Variants in KCNIP1 observed in about 807,000 individuals in gnomAD.
KCNIP1 encodes the protein potassium voltage-gated channel interacting protein 1.
A neutral mutation model predicts 33.0 loss-of-function variants in KCNIP1; 18 were observed. That is an observed-to-expected ratio of 0.55 (90% CI 0.38 to 0.81). The LOEUF is 0.81. Among genes scored for constraint, KCNIP1 ranks in the 30% least tolerant of loss-of-function variants. The pLI is 0.00. For missense variants in KCNIP1, 238 were observed against 271.6 expected (o/e 0.88, Z 0.87); for synonymous variants, 93 against 98.3 (o/e 0.95, Z 0.32).
Position 170,702,643 on chromosome 5 carries a change from A to G in KCNIP1, c.62-16115A>G, listed in dbSNP as rs1457200089. Among the ~76,000 whole-genome samples the G allele has an allele frequency of 7.2e-5, 11 of 152,288 alleles. 1 individual carries two copies. The South Asian group carries it at 1.9e-3, about 26-fold the overall frequency. On this transcript the variant is annotated intron_variant, in intron 1 of 7. Coordinates refer to ENST00000328939, the MANE Select transcript of KCNIP1 (RefSeq NM_014592.4). Reference sequence around the variant, plus strand: ...GTCCCTGACTTGTTATAGAGACACAATTACAAAGACACAAGAGTGGGCCCA... The same window carrying G: ...GTCCCTGACTTGTTATAGAGACACAGTTACAAAGACACAAGAGTGGGCCCA...
intron 7 of KCNIP1, among the ~76,000 whole-genome samples, chr5:170,734,863 G>A (rs375999818): frequency 6.6e-6 from 1 of 152,174 alleles, no homozygotes; most frequent in East Asian, 1.9e-4. Flanking sequence ...GACCCCCTTG[G>A]GGGTGAGTTC....
chr5:170,596,468 G>A (rs115337693), intron 1 of KCNIP1, among the ~76,000 whole-genome samples: 1,710 of 152,358 alleles, frequency 0.011, 28 homozygotes, highest in African/African-American at 0.038. Context: ...AGATCTGCGA[G>A]CAGGACTGTA....
chr5:170,730,579 T>G (rs924148954), intron 5 of KCNIP1, among the ~76,000 whole-genome samples: 1 of 152,138 alleles, frequency 6.6e-6, no homozygotes, highest in Non-Finnish European at 1.5e-5. Flanking sequence ...CATGTAGATG[T>G]GAAGGGCTTG....
intron 1 of KCNIP1, among the ~76,000 whole-genome samples, chr5:170,682,488 A>ATTT: frequency 6.6e-6 from 1 of 152,336 alleles, no homozygotes; most frequent in South Asian, 2.1e-4. Context: ...TATGACCCTA[A>ATTT]GGCCCTGCTT....
intron 1 of KCNIP1, among the ~76,000 whole-genome samples, chr5:170,478,741 A>G (rs1756911720): frequency 6.6e-6 from 1 of 152,202 alleles, no homozygotes; most frequent in Admixed American, 6.5e-5. Flanking sequence ...AGAAAAAAAG[A>G]AAAGGTTTCT....
intron 1 of KCNIP1, among the ~76,000 whole-genome samples, chr5:170,396,728 C>A (rs1183428493): frequency 6.6e-6 from 1 of 152,138 alleles, no homozygotes; most frequent in Non-Finnish European, 1.5e-5. Flanking sequence ...GTTATGGAAA[C>A]TAAGGTTATT....
chr5:170,587,528 A>G (rs776450548), intron 1 of KCNIP1, among the ~76,000 whole-genome samples: 20 of 151,466 alleles, frequency 1.3e-4, no homozygotes, highest in Non-Finnish European at 2.5e-4. Flanking sequence ...AAGGTGTTGT[A>G]GTGCTGTGTT....
chr5:170,615,800 C>T (rs190078211), intron 1 of KCNIP1, among the ~76,000 whole-genome samples: 1 of 152,314 alleles, frequency 6.6e-6, no homozygotes, highest in East Asian at 1.9e-4. Context: ...AGCACTAATA[C>T]TAATAGTACT....
chr5:170,570,452 C>A (rs1224224754), intron 1 of KCNIP1, among the ~76,000 whole-genome samples: 2 of 152,130 alleles, frequency 1.3e-5, no homozygotes. Flanking sequence ...CTCCCCCACC[C>A]CCTTTTTTGA....
intron 1 of KCNIP1, among the ~76,000 whole-genome samples, chr5:170,633,635 G>C (rs141550193): frequency 6.9e-6 from 1 of 145,236 alleles, no homozygotes; most frequent in South Asian, 2.3e-4. Context: ...CAGGGACAGA[G>C]AACTAAGAGG....
chr5:170,731,933 T>C (rs1764218144), intron 5 of KCNIP1, among the ~76,000 whole-genome samples: 1 of 151,082 alleles, frequency 6.6e-6, no homozygotes, highest in Non-Finnish European at 1.5e-5. Context: ...ATAAGCCCTG[T>C]AGTTTAGTTA....
intron 1 of KCNIP1, among the ~76,000 whole-genome samples, chr5:170,369,802 TA>T (rs1361073159): frequency 6.6e-6 from 1 of 152,198 alleles, no homozygotes; most frequent in African/African-American, 2.4e-5. Flanking sequence ...AATTTCCAAT[TA>T]AGCCTGATTT....
chr5:170,484,909 C>T (rs1439582029), intron 1 of KCNIP1, among the ~76,000 whole-genome samples: 1 of 150,950 alleles, frequency 6.6e-6, no homozygotes, highest in Non-Finnish European at 1.5e-5. Flanking sequence ...GGGCTCAGAG[C>T]TGGGTCTTTC....
At chr5:170,472,025 A>G (rs1053266611) in intron 1 of KCNIP1, among the ~76,000 whole-genome samples, 3 of 152,130 alleles carry the variant, frequency 2.0e-5, no homozygotes, top group Admixed American at 6.5e-5. Flanking sequence ...GGTTTGGGGA[A>G]GCAGTTCCTG....
chr5:170,505,026 C>A (rs1044573875), intron 1 of KCNIP1, among the ~76,000 whole-genome samples: 6 of 152,190 alleles, frequency 3.9e-5, no homozygotes, highest in Admixed American at 2.6e-4. Flanking sequence ...GCCACACTCC[C>A]ACACTCCTCC....
intron 1 of KCNIP1, among the ~76,000 whole-genome samples, chr5:170,444,842 G>C (rs1756075239): frequency 6.6e-6 from 1 of 152,028 alleles, no homozygotes; most frequent in Admixed American, 6.6e-5. Flanking sequence ...GCATTACTTT[G>C]GCTCCAGATG....
chr5:170,379,714 C>T lies in KCNIP1; in HGVS notation c.88+25750C>T, dbSNP rs190122267. 2.8e-3 allele frequency among the ~76,000 whole-genome samples: 433 copies of T among 152,180 alleles called. 2 individuals are homozygous for T. Among genetic ancestry groups the T allele is most frequent in the African/African-American group, 9.9e-3 (412 of 41,532 alleles). On this transcript the variant is annotated intron_variant, in intron 1 of 7. Coordinates refer to the KCNIP1 transcript ENST00000377360. ...CTGTAATCCTAACACTTTGGGAAGCCGAAGGGGAAGGATCCCTTGAGCCCA... is the reference window on the plus strand; with the variant it reads ...CTGTAATCCTAACACTTTGGGAAGCTGAAGGGGAAGGATCCCTTGAGCCCA...
chr5:170,403,054 C>T (rs1269990260), intron 1 of KCNIP1, among the ~76,000 whole-genome samples: 2 of 152,164 alleles, frequency 1.3e-5, no homozygotes, highest in African/African-American at 2.4e-5. Flanking sequence ...GTGCCAGGAA[C>T]ATGATTGGTA....
rs370183547 is a variant in KCNIP1, at chr5:170,462,754, G to GATAT, written c.88+108802_88+108805dup. Among the ~76,000 whole-genome samples, 132 of 150,368 alleles carry GATAT rather than the reference G, an allele frequency of 8.8e-4. 1 individual carries two copies. Among genetic ancestry groups the GATAT allele is most frequent in the African/African-American group, 3.1e-3 (126 of 41,142 alleles). ...CCAAATGCACATAAAGCAACGAGTG[G>GATAT]ATATATATATATATAAATGGAATAC... On this transcript the variant is annotated intron_variant, in intron 1 of 7. Transcript: ENST00000377360.
Sources: gnomAD v4.1 joint callset for allele counts (sites outside exome capture counted in the v4.1 genomes callset) on GRCh38, gnomAD v4.1.1 for gene constraint, MANE v1.5 for transcripts, NCBI Gene and HGNC (gene_info 2026-07-23, HGNC 2026-07-21) for gene names.